CNTNAP4: variants seen among roughly 807,000 people sequenced by gnomAD.
CNTNAP4 encodes contactin-associated protein-like 4.
CNTNAP4 carries 98 observed loss-of-function variants against 148.4 expected under a neutral mutation model. The ratio of observed to expected loss-of-function variants is 0.66; its 90% confidence interval spans 0.56 to 0.78. The LOEUF is 0.78. Among genes scored for constraint, CNTNAP4 ranks in the 30% least tolerant of loss-of-function variants. The probability of loss-of-function intolerance (pLI) is 0.00; values close to 1 mark genes in which losing one functional copy is unlikely to be tolerated. For synonymous variants in CNTNAP4, 730 were observed against 565.1 expected (o/e 1.29, Z -4.14); for missense variants, 1,935 against 1,565.6 (o/e 1.24, Z -3.98).
intron 23 of CNTNAP4, among the ~76,000 whole-genome samples, chr16:76,554,825 C>G (rs1319958854): frequency 3.3e-5 from 5 of 151,912 alleles, no homozygotes; most frequent in Non-Finnish European, 7.4e-5. Context: ...AGTCACAAAC[C>G]CAGCTTGTCC....
Position 76,448,124 on chromosome 16 carries a change from T to A in CNTNAP4, c.651T>A (p.Ser217Arg). Residue 217 changes from serine (S) to arginine (R), a missense_variant, in exon 5 of 24, where the codon AGT becomes AGA. Ser to Arg is a moderately radical substitution (Grantham distance 110). Coordinates refer to ENST00000611870, the MANE Select transcript of CNTNAP4 (RefSeq NM_033401.5). ...CTTTGAAATTCAAAACCATGCAGAG[T>A]GATGGGATTCTACTCCACAGGGAAG... is the stretch of plus-strand genomic sequence containing the variant. The part of the protein sequence containing the change: ...IISLKFKTMQ[S>R]DGILLHREGP... The A allele has an allele frequency of 6.8e-6, 11 of 1,613,328 alleles. No homozygotes were observed. The highest frequency in any genetic ancestry group is 9.3e-6 in the Non-Finnish European group (11 of 1,179,412).
chr16:76,341,488 A>G (rs1964465324), intron 2 of CNTNAP4, among the ~76,000 whole-genome samples: 1 of 152,218 alleles, frequency 6.6e-6, no homozygotes, highest in Admixed American at 6.5e-5. Context: ...AGATTTGGCA[A>G]CTTCTATACA....
rs201708821 is a variant in CNTNAP4, at chr16:76,395,945, TCTCAAA to T, written c.391-31503_391-31498del. On this transcript the variant is annotated intron_variant, in intron 3 of 23. Coordinates refer to ENST00000611870, the MANE Select transcript of CNTNAP4 (RefSeq NM_033401.5). ...GGTTTCACCATGTTTGGCAGGCTGGTCTCAAACTCCTGACCTCAGGTGATCTGCTGG... is the reference window on the plus strand; with the variant it reads ...GGTTTCACCATGTTTGGCAGGCTGGTCTCCTGACCTCAGGTGATCTGCTGG... Among the ~76,000 whole-genome samples, 183 of 152,186 alleles carry T rather than the reference TCTCAAA, an allele frequency of 1.2e-3. 1 individual carries two copies. In the East Asian group the frequency reaches 0.022, roughly 19 times the overall value.
At chr16:76,489,995 T>C (rs1037817747) in intron 13 of CNTNAP4, 112 bp downstream of exon 13, 25 of 556,604 alleles carry the variant, frequency 4.5e-5, no homozygotes, top group Non-Finnish European at 5.9e-6. Context: ...ACTGAGGGTA[T>C]ATGATCTCAC....
At chr16:76,483,206 A>G (rs946273350) in intron 12 of CNTNAP4, among the ~76,000 whole-genome samples, 2 of 149,470 alleles carry the variant, frequency 1.3e-5, no homozygotes, top group African/African-American at 4.9e-5. Context: ...GTTGATAAAT[A>G]TCTCTAGTCT....
intron 12 of CNTNAP4, among the ~76,000 whole-genome samples, chr16:76,486,904 T>A (rs2082049388): frequency 6.6e-6 from 1 of 152,064 alleles, no homozygotes; most frequent in Admixed American, 6.6e-5. Flanking sequence ...GGTGGGAAAT[T>A]GAGGTATGAG....
At chr16:76,503,900 G>C (rs1162389127) in intron 15 of CNTNAP4, among the ~76,000 whole-genome samples, 1 of 151,526 alleles carries the variant, frequency 6.6e-6, no homozygotes, top group African/African-American at 2.4e-5. Flanking sequence ...TTTTATACTA[G>C]CACCAACAAC....
chr16:76,297,591 G>A (rs1291995494), intron 1 of CNTNAP4, among the ~76,000 whole-genome samples: 2 of 151,728 alleles, frequency 1.3e-5, no homozygotes, highest in African/African-American at 2.4e-5. Context: ...TTTCCCCTGG[G>A]GTCATTGAAA....
At chr16:76,337,063 A>G (rs1035447301) in intron 2 of CNTNAP4, among the ~76,000 whole-genome samples, 6 of 152,218 alleles carry the variant, frequency 3.9e-5, no homozygotes, top group African/African-American at 1.4e-4. Context: ...CTCATAAAAC[A>G]ACCTGAAATA....
At chr16:76,499,585 C>T (rs537317134) in intron 15 of CNTNAP4, among the ~76,000 whole-genome samples, 1 of 150,844 alleles carries the variant, frequency 6.6e-6, no homozygotes, top group African/African-American at 2.4e-5. Flanking sequence ...ATTTATTGAT[C>T]ATTCTTGGGT....
At chr16:76,280,237 C>T (rs1233440396) in intron 1 of CNTNAP4, among the ~76,000 whole-genome samples, 1 of 152,178 alleles carries the variant, frequency 6.6e-6, no homozygotes, top group Admixed American at 6.5e-5. Context: ...TGAAAGCTTT[C>T]ATGGGACAGA....
chr16:76,377,427 T>G (rs1172531948), intron 3 of CNTNAP4, among the ~76,000 whole-genome samples: 1 of 151,788 alleles, frequency 6.6e-6, no homozygotes, highest in Non-Finnish European at 1.5e-5. Flanking sequence ...TGGAAGAGAG[T>G]CGGAAAGATT....
At chr16:76,329,783 A>G (rs1440631033) in intron 2 of CNTNAP4, among the ~76,000 whole-genome samples, 1 of 152,256 alleles carries the variant, frequency 6.6e-6, no homozygotes, top group Non-Finnish European at 1.5e-5. Context: ...CACATAAAAT[A>G]GATTATATAA....
chr16:76,362,165 AG>A (rs2013517233), intron 3 of CNTNAP4, among the ~76,000 whole-genome samples: 1 of 152,214 alleles, frequency 6.6e-6, no homozygotes, highest in African/African-American at 2.4e-5. Flanking sequence ...AGTATCAAAA[AG>A]AATAACATAC....
In CNTNAP4 at chr16:76,460,753, CA is replaced by C. The variant is rs1158805627; in HGVS notation, c.1334-1182del. Among the ~76,000 whole-genome samples, 132 of 15,506 alleles carry C rather than the reference CA, an allele frequency of 8.5e-3. 5 individuals are homozygous for C. Among genetic ancestry groups the C allele is most frequent in the Admixed American group, 0.055 (62 of 1,130 alleles). 10.2% of individuals were successfully genotyped at this position (15,506 alleles called of 152,430 possible). On this transcript the variant is annotated intron_variant, in intron 8 of 23. Coordinates refer to ENST00000611870, the MANE Select transcript of CNTNAP4 (RefSeq NM_033401.5). ...GGGCGACAGAGCCAGACTCATGTCT[CA>C]AAAAAAAAAAAAAAAAAAAATATAT...
chr16:76,528,826 T>C (rs528137824), intron 17 of CNTNAP4, among the ~76,000 whole-genome samples: 4 of 152,100 alleles, frequency 2.6e-5, no homozygotes, highest in Admixed American at 6.5e-5. Context: ...GAAATAGGAA[T>C]AAGGAAATGA....
At chr16:76,550,755 A>AT (rs1352027844) in intron 21 of CNTNAP4, among the ~76,000 whole-genome samples, 5 of 151,970 alleles carry the variant, frequency 3.3e-5, no homozygotes, top group African/African-American at 1.2e-4. Flanking sequence ...CAAATGAATG[A>AT]TTGCCAAGGT....
intron 1 of CNTNAP4, among the ~76,000 whole-genome samples, chr16:76,312,061 C>A (rs1233632565): frequency 6.6e-6 from 1 of 152,176 alleles, no homozygotes. Flanking sequence ...ATTGAAAGTT[C>A]TAGCTGTGAG....
At chr16:76,364,233 C>CAAAAAAAAAAAAAAAAAAAAAAA (rs58589609) in intron 3 of CNTNAP4, among the ~76,000 whole-genome samples, 1 of 48,178 alleles carries the variant, frequency 2.1e-5, no homozygotes, top group Non-Finnish European at 3.6e-5. Flanking sequence ...GATTCCATCT[C>CAAAAAAAAAAAAAAAAAAAAAAA]AAAAAAAAAA....
Sources: allele counts gnomAD v4.1 joint callset (sites outside exome capture counted in the v4.1 genomes callset), GRCh38; gene constraint gnomAD v4.1.1; transcripts MANE v1.5; gene names NCBI Gene and HGNC (gene_info 2026-07-23, HGNC 2026-07-21).